Variants in DIMT1 observed in about 807,000 individuals in gnomAD.
DIMT1 encodes dimethyladenosine transferase.
DIMT1 carries 36 observed loss-of-function variants against 43.2 expected under a neutral mutation model. The observed-to-expected ratio is 0.83, with a 90% CI of 0.64 to 1.10. The LOEUF (loss-of-function observed/expected upper bound fraction) is 1.10, where lower values mean the gene tolerates loss of function less well. DIMT1 is among the 50% of genes least tolerant of loss of function. The pLI is 0.00. For missense variants in DIMT1, 341 were observed against 385.3 expected (o/e 0.88, Z 0.96); for synonymous variants, 126 against 130.3 (o/e 0.97, Z 0.22).
intron 2 of DIMT1, among the ~76,000 whole-genome samples, chr5:62,402,999 A>G (rs1742759920): frequency 6.6e-6 from 1 of 152,268 alleles, no homozygotes; most frequent in Non-Finnish European, 1.5e-5. Flanking sequence ...GATTAGAAAT[A>G]GAAGAATAAT....
chr5:62,403,217 C>A, intron 2 of DIMT1, 56 bp downstream of exon 2: 1 of 1,498,736 alleles, frequency 6.7e-7, no homozygotes, highest in Non-Finnish European at 9.3e-7. Flanking sequence ...CTTATGTATT[C>A]ATAGGAATAA....
chr5:62,395,058 C>T (rs986284923), intron 6 of DIMT1, among the ~76,000 whole-genome samples: 1 of 148,056 alleles, frequency 6.8e-6, no homozygotes, highest in Non-Finnish European at 1.5e-5. Flanking sequence ...GAGTTTCGCT[C>T]TTGTCGCCCA....
chr5:62,394,569 C>T lies in DIMT1; in HGVS notation c.485G>A (p.Arg162Gln), dbSNP rs1367188936. Residue 162 changes from arginine to glutamine, a missense_variant, in exon 7 of 12, where the codon CGA becomes CAA. Arg to Gln is a conservative substitution (Grantham distance 43, BLOSUM62 1). Coordinates refer to ENST00000199320, the MANE Select transcript of DIMT1 (RefSeq NM_014473.4). ...CTTATCTCCAGGTTTTGCAACCAGTCGGAGGGCAAATTCTCTTTGAAACAT... is the reference window on the plus strand; with the variant it reads ...CTTATCTCCAGGTTTTGCAACCAGTTGGAGGGCAAATTCTCTTTGAAACAT... Reference protein sequence around the residue: ...ILMFQREFALRLVAKPGDKLY... With the variant: ...ILMFQREFALQLVAKPGDKLY... 1.9e-6 allele frequency: 3 copies of T among 1,614,134 alleles called. No individual in the cohort carries two copies. The highest frequency in any genetic ancestry group is 4.5e-5 in the East Asian group (2 of 44,886).
Position 62,388,809 on chromosome 5 carries a change from A to G in DIMT1, c.*201T>C, listed in dbSNP as rs1742156981. On this transcript the variant is annotated 3_prime_UTR_variant, in exon 12 of 12. Transcript: ENST00000199320. ...ATTATTATGAATAGATTGGACCAGC[A>G]TTATATATTAAAAACTTTGATACTT... is the stretch of plus-strand genomic sequence containing the variant. The G allele has an allele frequency of 6.7e-6, 4 of 597,288 alleles. No homozygotes were observed. The highest frequency in any genetic ancestry group is 9.0e-6 in the Non-Finnish European group (3 of 332,916). The allele number at this position is 597,288 out of a possible 1,614,324, so 37.0% of individuals were successfully genotyped here. A position where few individuals can be genotyped will look rare whatever the true frequency, so the allele number is the denominator to read the frequency against.
chr5:62,401,127 T>C (rs1045083306), intron 3 of DIMT1, among the ~76,000 whole-genome samples: 1 of 152,140 alleles, frequency 6.6e-6, no homozygotes, highest in Non-Finnish European at 1.5e-5. Flanking sequence ...CAACTTCTGG[T>C]TGGAATTGGC....
At chr5:62,400,884 TGC>T (rs1167486896) in intron 3 of DIMT1, among the ~76,000 whole-genome samples, 5 of 152,002 alleles carry the variant, frequency 3.3e-5, no homozygotes, top group African/African-American at 1.2e-4. Context: ...TCAGCCTCCC[TGC>T]TAGCCAGGGC....
chr5:62,391,157 C>A, intron 10 of DIMT1, 175 bp from the exon 11 acceptor site: 2 of 546,772 alleles, frequency 3.7e-6, no homozygotes, highest in South Asian at 5.8e-5. Context: ...AGTGGCTGAT[C>A]TTTATTAACA....
intron 2 of DIMT1, among the ~76,000 whole-genome samples, chr5:62,402,937 T>C (rs1012961406): frequency 1.3e-5 from 2 of 152,218 alleles, no homozygotes; most frequent in African/African-American, 4.8e-5. Flanking sequence ...TTCTAATGTG[T>C]AGTTTAGACA....
intron 11 of DIMT1, among the ~76,000 whole-genome samples, chr5:62,389,485 C>CAGAAAAAAAAAAAAAA (rs1742195291): frequency 1.3e-5 from 1 of 75,916 alleles, no homozygotes; most frequent in African/African-American, 5.7e-5. Flanking sequence ...GACTCTGTCT[C>CAGAAAAAAAAAAAAAA]AAAAAAAAAA....
intron 2 of DIMT1, 43 bp downstream of exon 2, chr5:62,403,230 T>A (rs375806758): frequency 9.1e-5 from 143 of 1,567,234 alleles, no homozygotes; most frequent in Non-Finnish European, 1.2e-4. Flanking sequence ...AGGAATAAAA[T>A]TAATAAACCA....
intron 1 of DIMT1, 65 bp downstream of exon 1, chr5:62,403,629 C>G (rs926963050): frequency 3.2e-6 from 5 of 1,539,174 alleles, no homozygotes; most frequent in Non-Finnish European, 4.4e-6. Flanking sequence ...TGGTCCGCAC[C>G]CCAGGCTAGG....
intron 3 of DIMT1, among the ~76,000 whole-genome samples, chr5:62,400,150 G>C (rs1439542916): frequency 6.6e-6 from 1 of 152,180 alleles, no homozygotes; most frequent in African/African-American, 2.4e-5. Flanking sequence ...ACATGGCATA[G>C]ATAACTTCTC....
intron 7 of DIMT1, 68 bp downstream of exon 7, chr5:62,394,416 A>C: frequency 6.5e-7 from 1 of 1,549,376 alleles, no homozygotes; most frequent in South Asian, 1.1e-5. Flanking sequence ...GAGCCACTGC[A>C]CTGCAGCCTG....
rs1368361454 is a variant in DIMT1, at chr5:62,391,951, G to A, written c.792+220C>T. ...ACAACTGTCAGTAGTTAGAGGACAG[G>A]GTGGAGTAATCAAAGTTGCTCATAT... On this transcript the variant is annotated intron_variant, in intron 10 of 11. Coordinates refer to ENST00000199320, the MANE Select transcript of DIMT1 (RefSeq NM_014473.4). 2.0e-6 allele frequency: 3 copies of A among 1,536,728 alleles called. No individual in the cohort carries two copies. In the East Asian group the frequency reaches 7.3e-5, roughly 38 times the overall value.
chr5:62,401,969 G>T, intron 3 of DIMT1, 67 bp downstream of exon 3: 1 of 1,455,414 alleles, frequency 6.9e-7, no homozygotes, highest in Non-Finnish European at 9.5e-7. Flanking sequence ...AACATATTTA[G>T]ATTGTAAACC....
At chr5:62,400,259 T>C (rs1742653296) in intron 3 of DIMT1, among the ~76,000 whole-genome samples, 1 of 152,204 alleles carries the variant, frequency 6.6e-6, no homozygotes, top group Non-Finnish European at 1.5e-5. Flanking sequence ...AAAATAATTT[T>C]TTTTAAGAGA....
chr5:62,398,645 C>T lies in DIMT1; in HGVS notation c.396+1G>A. The T allele has an allele frequency of 6.2e-7, 1 of 1,614,154 alleles. No homozygotes were observed. Among genetic ancestry groups the T allele is most frequent in the Non-Finnish European group, 8.5e-7 (1 of 1,180,018 alleles). ...ATGTTCCTGAAAATGTGAGGACATA[C>T]CTGATAAGGCAAATTTGCCACACAA... is the stretch of plus-strand genomic sequence containing the variant. On this transcript the variant is annotated splice_donor_variant, in intron 5 of 11. Coordinates refer to ENST00000199320, the MANE Select transcript of DIMT1 (RefSeq NM_014473.4). LOFTEE classifies it high-confidence loss of function.
intron 9 of DIMT1, chr5:62,392,683 G>T (rs1256126756): frequency 2.4e-6 from 1 of 410,720 alleles, no homozygotes; most frequent in Non-Finnish European, 4.3e-6. Flanking sequence ...CAGATATATG[G>T]TCAGAGTTTG....
At chr5:62,392,610 CAT>C (rs113331951) in intron 9 of DIMT1, among the ~76,000 whole-genome samples, 177 of 152,284 alleles carry the variant, frequency 1.2e-3, no homozygotes, top group African/African-American at 4.1e-3. Context: ...TTACATGACA[CAT>C]ATCCTTCACA....
Sources: allele counts gnomAD v4.1 joint callset (sites outside exome capture counted in the v4.1 genomes callset), GRCh38; gene constraint gnomAD v4.1.1; transcripts MANE v1.5; gene names NCBI Gene and HGNC (gene_info 2026-07-23, HGNC 2026-07-21).